Variants in NUP210L observed in about 807,000 individuals in gnomAD.
NUP210L encodes nuclear pore membrane glycoprotein 210-like.
A neutral mutation model predicts 208.5 loss-of-function variants in NUP210L; 74 were observed. That is an observed-to-expected ratio of 0.35 (90% confidence interval 0.29 to 0.43). The LOEUF (loss-of-function observed/expected upper bound fraction) is 0.43, where lower values mean the gene tolerates loss of function less well. Ranked by LOEUF, NUP210L falls within the 20% of genes least tolerant of loss-of-function variation. The pLI, the probability that NUP210L is intolerant of heterozygous loss-of-function variation, is 1.00. For synonymous variants in NUP210L, 780 were observed against 816.9 expected, an observed-to-expected ratio of 0.95 and a Z score of 0.77; for missense variants, 1,843 against 2,289.4, an observed-to-expected ratio of 0.81 and a Z score of 3.98.
intron 12 of NUP210L, among the ~76,000 whole-genome samples, chr1:154,113,038 T>A (rs192929698): frequency 2.7e-4 from 41 of 151,632 alleles, no homozygotes; most frequent in Middle Eastern, 6.8e-3. Context: ...ATGCCTGTAG[T>A]CTCAGCTACT....
intron 35 of NUP210L, among the ~76,000 whole-genome samples, chr1:154,004,229 C>T (rs1017891667): frequency 1.4e-4 from 21 of 150,968 alleles, no homozygotes; most frequent in African/African-American, 3.7e-4. Context: ...CCACCACGCC[C>T]GGCTAATTTT....
At chr1:154,089,254 GC>G (rs1655778748) in intron 16 of NUP210L, among the ~76,000 whole-genome samples, 166 bp downstream of exon 16, 1 of 152,164 alleles carries the variant, frequency 6.6e-6, no homozygotes, top group Non-Finnish European at 1.5e-5. Context: ...AAATGGTACA[GC>G]TGCTGTGGAA....
At chr1:154,027,971 GA>G (rs1651994542) in intron 28 of NUP210L, among the ~76,000 whole-genome samples, 1 of 151,998 alleles carries the variant, frequency 6.6e-6, no homozygotes, top group African/African-American at 2.4e-5. Flanking sequence ...TTGGGGAAAA[GA>G]ACTTATAATA....
At chr1:154,080,669 A>G (rs1418149951) in intron 16 of NUP210L, among the ~76,000 whole-genome samples, 1 of 151,900 alleles carries the variant, frequency 6.6e-6, no homozygotes, top group Non-Finnish European at 1.5e-5. Context: ...TAAGCGACAG[A>G]GCGAGACCAT....
chr1:154,113,167 A>T (rs202241204), intron 12 of NUP210L, among the ~76,000 whole-genome samples: 30,391 of 144,326 alleles, frequency 0.21, 3,428 homozygotes, highest in Admixed American at 0.29. Flanking sequence ...TAAAAAAAAA[A>T]ATATATATAT....
chr1:154,016,988 AC>A (rs1272481727), intron 33 of NUP210L, among the ~76,000 whole-genome samples: 9 of 151,668 alleles, frequency 5.9e-5, no homozygotes, highest in African/African-American at 1.9e-4. Flanking sequence ...AAAAACACGC[AC>A]AAAAAAGCCT....
chr1:154,117,786 CT>C lies in NUP210L; in HGVS notation c.1558del (p.Arg520GlyfsTer25). Reference sequence around the variant, plus strand: ...TCGGGCCAAAACAGTACTATTCCCCCTGACCTGACCTGCAGTCACCACTCCT... The same window carrying C: ...TCGGGCCAAAACAGTACTATTCCCCCGACCTGACCTGCAGTCACCACTCCT... On this transcript the variant is annotated frameshift_variant, in exon 12 of 40. Coordinates refer to ENST00000368559, the Ensembl canonical transcript of NUP210L. LOFTEE classifies it high-confidence loss of function. 1 of 1,613,422 alleles carries C rather than the reference CT, an allele frequency of 6.2e-7. No individual in the cohort carries two copies. Among genetic ancestry groups the C allele is most frequent in the Non-Finnish European group, 8.5e-7 (1 of 1,179,464 alleles).
rs766035803 is a variant in NUP210L at position 154,095,189 on chromosome 1, G to C, written c.1966-33C>G. 4.7e-6 allele frequency: 7 copies of C among 1,486,164 alleles called. No homozygotes were observed. In the South Asian group the frequency reaches 8.1e-5, roughly 17 times the overall value. The allele number at this position is 1,486,164 out of a possible 1,614,324, so 92.1% of individuals were successfully genotyped here. On this transcript the variant is annotated intron_variant, in intron 14 of 39. Coordinates refer to ENST00000368559, the Ensembl canonical transcript of NUP210L. ...TATTTAAAGAAATTAATTCCTGATA[G>C]GTTAGGGAATTCAATAATTTTCTAA...
intron 16 of NUP210L, among the ~76,000 whole-genome samples, chr1:154,082,847 T>G (rs935742269): frequency 2.6e-5 from 4 of 151,956 alleles, no homozygotes; most frequent in African/African-American, 9.7e-5. Context: ...CGTCTGGACT[T>G]GGTCATTCCT....
At chr1:154,078,454 A>G (rs1655153273) in intron 16 of NUP210L, among the ~76,000 whole-genome samples, 1 of 151,780 alleles carries the variant, frequency 6.6e-6, no homozygotes, top group African/African-American at 2.4e-5. Context: ...AATTAGCTGG[A>G]TGTGGTGGCA....
intron 37 of NUP210L, among the ~76,000 whole-genome samples, chr1:153,997,068 A>G (rs1649931225): frequency 6.6e-6 from 1 of 151,828 alleles, no homozygotes; most frequent in Admixed American, 6.6e-5. Context: ...GATTCAAGCA[A>G]TTCTGCTGCC....
chr1:154,054,111 C>G, intron 25 of NUP210L, 117 bp downstream of exon 25: 2 of 944,300 alleles, frequency 2.1e-6, no homozygotes, highest in Non-Finnish European at 3.2e-6. Flanking sequence ...CAGGTAGGGG[C>G]ACTCTAAGGC....
intron 25 of NUP210L, among the ~76,000 whole-genome samples, chr1:154,050,583 G>A (rs924732310): frequency 1.3e-5 from 2 of 152,144 alleles, no homozygotes; most frequent in Admixed American, 1.3e-4. Context: ...GATAGGAAAT[G>A]GGAGAACTCA....
intron 35 of NUP210L, among the ~76,000 whole-genome samples, chr1:154,005,691 C>T (rs1401843612): frequency 6.6e-6 from 1 of 151,440 alleles, no homozygotes; most frequent in Non-Finnish European, 1.5e-5. Flanking sequence ...TATGCAACAC[C>T]ACGTCTGGCT....
rs140136739 is a variant in NUP210L at position 154,144,961 on chromosome 1, A to G, written c.341-1384T>C. 4.9e-3 allele frequency among the ~76,000 whole-genome samples: 753 copies of G among 152,154 alleles called. 15 individuals are homozygous for G. The highest frequency in any genetic ancestry group is 0.035 in the Admixed American group (532 of 15,282). ...CCGTCTCTATTAAAATACAAAAATT[A>G]GCCGGGCATGGTGGTGCACGCCTGT... On this transcript the variant is annotated intron_variant, in intron 2 of 39. Transcript: ENST00000368559.
chr1:154,054,196 A>T (rs780218452), intron 25 of NUP210L, 32 bp downstream of exon 25: 2 of 1,610,434 alleles, frequency 1.2e-6, no homozygotes, highest in Non-Finnish European at 1.7e-6. Context: ...TCAATAGAAG[A>T]ATAGAAGCAG....
intron 27 of NUP210L, among the ~76,000 whole-genome samples, chr1:154,032,950 G>GAAAAGAAAAGAA (rs1652317436): frequency 2.4e-5 from 3 of 124,392 alleles, no homozygotes; most frequent in African/African-American, 9.7e-5. Context: ...AAGAAAGAAA[G>GAAAAGAAAAGAA]AAGAAAAGAA....
chr1:154,015,676 C>A (rs6679907), intron 33 of NUP210L, among the ~76,000 whole-genome samples: 42,010 of 151,226 alleles, frequency 0.28, 6,260 homozygotes, highest in Admixed American at 0.39. Context: ...GCTGAGATTC[C>A]GCCACTACAT....
chr1:154,088,769 T>C (rs987668950), intron 16 of NUP210L, among the ~76,000 whole-genome samples: 2 of 152,090 alleles, frequency 1.3e-5, no homozygotes, highest in African/African-American at 4.8e-5. Flanking sequence ...ATCCAGAAAA[T>C]GGGAATAACT....
Sources: allele counts gnomAD v4.1 joint callset (sites outside exome capture counted in the v4.1 genomes callset), GRCh38; gene constraint gnomAD v4.1.1; transcripts MANE v1.5; gene names NCBI Gene and HGNC (gene_info 2026-07-23, HGNC 2026-07-21).